The following ZNF75D variants were observed in gnomAD, a reference collection of about 807,000 sequenced individuals.
ZNF75D encodes the protein zinc finger protein 75.
ZNF75D carries 33 observed loss-of-function variants against 33.3 expected under a neutral mutation model. The observed-to-expected ratio is 0.99, with a 90% CI of 0.75 to 1.32. The LOEUF (loss-of-function observed/expected upper bound fraction) is 1.32. Among genes scored for constraint, ZNF75D ranks in the 40% most tolerant of loss-of-function variants. The probability of loss-of-function intolerance (pLI) is 0.00; values close to 1 mark genes in which losing one functional copy is unlikely to be tolerated. For missense variants in ZNF75D, 338 were observed against 367.5 expected (o/e 0.92, Z 0.66); for synonymous variants, 113 against 130.6 (o/e 0.87, Z 0.92).
intron 1 of ZNF75D, among the ~76,000 whole-genome samples, chrX:135,296,376 G>A (rs1215936323): frequency 8.9e-6 from 1 of 111,776 alleles, no homozygotes; most frequent in Non-Finnish European, 1.9e-5. Context: ...TGTTCCTGCT[G>A]GCTTCCTGGC....
At chrX:135,327,232 G>A (rs782170606) in intron 1 of ZNF75D, among the ~76,000 whole-genome samples, 2 of 112,445 alleles carry the variant, frequency 1.8e-5, no homozygotes, top group South Asian at 7.3e-4. Flanking sequence ...GAGTTCATGA[G>A]TTCAATTAGT....
intron 1 of ZNF75D, among the ~76,000 whole-genome samples, chrX:135,277,915 G>A (rs2083905488): frequency 8.9e-6 from 1 of 112,186 alleles, no homozygotes; most frequent in Admixed American, 9.4e-5. Flanking sequence ...TTGAAGTCAT[G>A]TAGCATGATG....
At chrX:135,269,160 T>C (rs1318279141) in intron 1 of ZNF75D, among the ~76,000 whole-genome samples, 3 of 112,065 alleles carry the variant, frequency 2.7e-5, no homozygotes, top group African/African-American at 9.7e-5. Flanking sequence ...CAAGAAAACA[T>C]TGGGGGAAAT....
At chrX:135,276,691 G>T (rs1357892119) in intron 1 of ZNF75D, among the ~76,000 whole-genome samples, 2 of 103,599 alleles carry the variant, frequency 1.9e-5, no homozygotes, top group African/African-American at 7.2e-5. Flanking sequence ...CCACTCCTAT[G>T]TCCATGTATT....
intron 1 of ZNF75D, among the ~76,000 whole-genome samples, chrX:135,333,446 G>A (rs60754766): frequency 3.6e-4 from 40 of 111,672 alleles, no homozygotes; most frequent in African/African-American, 1.2e-3. Flanking sequence ...GGATATATCT[G>A]ATTAAACAAA....
chrX:135,339,005 C>T, intron 1 of ZNF75D, among the ~76,000 whole-genome samples: 1 of 107,628 alleles, frequency 9.3e-6, no homozygotes, highest in Non-Finnish European at 1.9e-5. Flanking sequence ...CTCCCTCTCT[C>T]CCTACCCAAT....
At chrX:135,322,364 C>CTTTCAAGGCCTTTCAACCTTAACAAGG (rs1300372397) in intron 1 of ZNF75D, among the ~76,000 whole-genome samples, 22 of 111,399 alleles carry the variant, frequency 2.0e-4, no homozygotes, top group African/African-American at 6.2e-4. Flanking sequence ...ATACAAAGGC[C>CTTTCAAGGCCTTTCAACCTTAACAAGG]TTAATCAAGG....
intron 1 of ZNF75D, among the ~76,000 whole-genome samples, chrX:135,274,066 C>A (rs1295398197): frequency 2.7e-5 from 3 of 111,719 alleles, no homozygotes; most frequent in Non-Finnish European, 3.8e-5. Context: ...CAAAGTAAAA[C>A]CAGTGAGCTT....
intron 1 of ZNF75D, among the ~76,000 whole-genome samples, chrX:135,308,421 C>T (rs180838898): frequency 6.4e-4 from 72 of 112,276 alleles, no homozygotes; most frequent in Non-Finnish European, 1.1e-3. Context: ...CATAACCTAA[C>T]TAATCTACCT....
chrX:135,301,307 G>T (rs2084215441), intron 1 of ZNF75D, among the ~76,000 whole-genome samples: 1 of 111,183 alleles, frequency 9.0e-6, no homozygotes, highest in African/African-American at 3.3e-5. Flanking sequence ...GATGAGATTT[G>T]GGTGGGAACA....
chrX:135,334,579 GAAACCAGGAAGGGGTGGAC>G (rs2084687856), intron 1 of ZNF75D, among the ~76,000 whole-genome samples: 1 of 111,631 alleles, frequency 9.0e-6, no homozygotes, highest in South Asian at 3.8e-4. Context: ...AAGTAGGAAT[GAAACCAGGAAGGGGTGGAC>G]CCCCTCTCCC....
chrX:135,276,264 T>C (rs781864041), intron 1 of ZNF75D, among the ~76,000 whole-genome samples: 1 of 112,059 alleles, frequency 8.9e-6, no homozygotes, highest in South Asian at 3.7e-4. Flanking sequence ...AGGGTAGGCA[T>C]ATAGACAAAT....
chrX:135,253,746 C>T (rs1256086827), intron 2 of ZNF75D, among the ~76,000 whole-genome samples: 1 of 107,771 alleles, frequency 9.3e-6, no homozygotes, highest in African/African-American at 3.4e-5. Flanking sequence ...TCTCTCCCAC[C>T]ATCAATCTGA....
chrX:135,337,524 G>T (rs1474859144), intron 1 of ZNF75D, among the ~76,000 whole-genome samples: 1 of 111,140 alleles, frequency 9.0e-6, no homozygotes, highest in African/African-American at 3.3e-5. Context: ...CTTCTACTCA[G>T]TTCTCTACAT....
chrX:135,320,542 A>G (rs1462752178), intron 1 of ZNF75D, among the ~76,000 whole-genome samples: 1 of 111,805 alleles, frequency 8.9e-6, no homozygotes, highest in Non-Finnish European at 1.9e-5. Context: ...TTACTGTTTT[A>G]TTGTATATAC....
chrX:135,319,812 T>C (rs1443647324), intron 1 of ZNF75D, among the ~76,000 whole-genome samples: 1 of 112,339 alleles, frequency 8.9e-6, no homozygotes, highest in African/African-American at 3.2e-5. Flanking sequence ...CATTATACCA[T>C]AGTGTTTAGT....
At chrX:135,271,415 T>A (rs1448457991) in intron 1 of ZNF75D, among the ~76,000 whole-genome samples, 1 of 111,672 alleles carries the variant, frequency 9.0e-6, no homozygotes, top group African/African-American at 3.3e-5. Flanking sequence ...GCTAGACACA[T>A]AATGGGTGTT....
rs1218681488 is a variant in ZNF75D at position 135,287,071 on chromosome X, T to C, written c.*66A>G. The C allele has an allele frequency of 3.1e-5, 28 of 895,479 alleles. No homozygotes were observed. The highest frequency in any genetic ancestry group is 3.0e-5 in the Admixed American group (1 of 33,734). 73.8% of individuals were successfully genotyped at this position (895,479 alleles called of 1,213,427 possible). A position where few individuals can be genotyped will look rare whatever the true frequency, so the allele number is the denominator to read the frequency against. On this transcript the variant is annotated 3_prime_UTR_variant, in exon 7 of 7. Coordinates refer to ENST00000370766, the MANE Select transcript of ZNF75D (RefSeq NM_007131.5). The stretch of plus-strand genomic sequence containing the variant: ...TTTTATTAATCACAGATTCCTATCA[T>C]TGGGTGCCTCATAATTTTGTATTCT...
At chrX:135,259,148 G>C (rs991931936) in intron 1 of ZNF75D, among the ~76,000 whole-genome samples, 3 of 111,417 alleles carry the variant, frequency 2.7e-5, no homozygotes, top group Non-Finnish European at 5.7e-5. Flanking sequence ...TGTTCCATTG[G>C]TCTATATCTC....
Sources: allele counts gnomAD v4.1 joint callset (sites outside exome capture counted in the v4.1 genomes callset), GRCh38; gene constraint gnomAD v4.1.1; transcripts MANE v1.5; gene names NCBI Gene and HGNC (gene_info 2026-07-23, HGNC 2026-07-21).